CHIT1: variants seen among roughly 807,000 people sequenced by gnomAD.
CHIT1 encodes the protein chitotriosidase-1.
CHIT1 carries 47 observed loss-of-function variants against 52.0 expected under a neutral mutation model. The observed-to-expected ratio is 0.90, with a 90% confidence interval of 0.71 to 1.15. The LOEUF (loss-of-function observed/expected upper bound fraction) is 1.15, where lower values mean the gene tolerates loss of function less well. CHIT1 is among the 50% of genes most tolerant of loss of function. CHIT1 has a pLI of 0.00. For synonymous variants in CHIT1, 242 were observed against 228.2 expected, an observed-to-expected ratio of 1.06 and a Z score of -0.54; for missense variants, 569 against 583.0, an observed-to-expected ratio of 0.98 and a Z score of 0.25.
At chr1:203,229,096 G>C (rs1044872034) in intron 1 of CHIT1, among the ~76,000 whole-genome samples, 1 of 152,180 alleles carries the variant, frequency 6.6e-6, no homozygotes, top group Admixed American at 6.5e-5. Context: ...CTCCTTCGAA[G>C]AGATCTCTTT....
chr1:203,223,968 C>A (rs1350789916), intron 4 of CHIT1, among the ~76,000 whole-genome samples: 1 of 152,142 alleles, frequency 6.6e-6, no homozygotes, highest in Non-Finnish European at 1.5e-5. Context: ...AATTGTCCCA[C>A]CCCAAACCAG....
At chr1:203,229,092 C>T (rs1284400961) in intron 1 of CHIT1, among the ~76,000 whole-genome samples, 7 of 152,136 alleles carry the variant, frequency 4.6e-5, no homozygotes, top group Admixed American at 2.6e-4. Context: ...AGGACTCCTT[C>T]GAAGAGATCT....
rs1010914199 is a variant in CHIT1, at chr1:203,222,057, ACAAG to A, written c.729+141_729+144del. 3 of 1,223,136 alleles carry A rather than the reference ACAAG, an allele frequency of 2.5e-6. No individual in the cohort carries two copies. The African/African-American group carries it at 4.5e-5, about 19-fold the overall frequency. The allele number at this position is 1,223,136 out of a possible 1,614,324, so 75.8% of individuals were successfully genotyped here. ...GCACGGACCAGGAAAATAGAACAAAACAAGCAAGCAAAGAAACAAAAAAGCTTCT... is the reference window on the plus strand; with the variant it reads ...GCACGGACCAGGAAAATAGAACAAAACAAGCAAAGAAACAAAAAAGCTTCT... On this transcript the variant is annotated intron_variant, in intron 7 of 10. Transcript: ENST00000367229.
intron 1 of CHIT1, among the ~76,000 whole-genome samples, chr1:203,228,924 T>C (rs1371844031): frequency 6.6e-6 from 1 of 152,182 alleles, no homozygotes; most frequent in African/African-American, 2.4e-5. Flanking sequence ...ACAAGCCTGT[T>C]TTGGGGCTAG....
chr1:203,227,429 T>C (rs1223796099), intron 2 of CHIT1, among the ~76,000 whole-genome samples: 3 of 152,224 alleles, frequency 2.0e-5, no homozygotes, highest in Non-Finnish European at 4.4e-5. Flanking sequence ...ATATCAAATA[T>C]TGTTATGAAT....
intron 2 of CHIT1, among the ~76,000 whole-genome samples, chr1:203,226,410 A>G (rs572649891): frequency 2.6e-4 from 39 of 152,344 alleles, no homozygotes; most frequent in African/African-American, 8.7e-4. Flanking sequence ...TCATCTGCAG[A>G]AGGAAGGCAG....
At chr1:203,220,419 T>C (rs771662529) in intron 7 of CHIT1, among the ~76,000 whole-genome samples, 42 of 152,200 alleles carry the variant, frequency 2.8e-4, no homozygotes, top group Non-Finnish European at 5.6e-4. Context: ...TTTATCTCTG[T>C]ATCCTCAGTG....
Position 203,223,621 on chromosome 1 carries a change from G to A in CHIT1, c.354C>T (p.Thr118=). 6.2e-7 allele frequency: 1 copy of A among 1,614,234 alleles called. No homozygotes were observed. The highest frequency in any genetic ancestry group is 1.1e-5 in the South Asian group (1 of 91,084). ...GAAACCTGATGGCCGAGTTGACAAA[G>A]GTCTGACGGTTGTTGGCCGTGGCTA... ...DMVATANNRQ[T]FVNSAIRFLR... The change falls in exon 5 of 11, where the codon ACC becomes ACT. Residue 118 remains threonine (T), a synonymous_variant. Transcript: ENST00000367229.
chr1:203,224,214 C>T (rs1188199582), intron 4 of CHIT1, among the ~76,000 whole-genome samples: 1 of 152,164 alleles, frequency 6.6e-6, no homozygotes, highest in Non-Finnish European at 1.5e-5. Flanking sequence ...GTTGCTGTTA[C>T]TAGTCCAGAG....
At chr1:203,217,248 A>G in intron 10 of CHIT1, 115 bp from the exon 11 acceptor site, 1 of 1,584,638 alleles carries the variant, frequency 6.3e-7, no homozygotes, top group Non-Finnish European at 8.5e-7. Flanking sequence ...CATGCCCTAC[A>G]GGCTGAGTAC....
rs1183677386 is a variant in CHIT1 at position 203,219,865 on chromosome 1, AG to A, written c.730-17del. The A allele has an allele frequency of 2.5e-6, 4 of 1,611,736 alleles. No individual in the cohort carries two copies. Among genetic ancestry groups the A allele is most frequent in the Non-Finnish European group, 3.4e-6 (4 of 1,179,744 alleles). ...CAGCAGCATCCTGGTGGAAGAGGGCAGGGTTAATTTTCTCAGCCCTCAGCCT... is the reference window on the plus strand; with the variant it reads ...CAGCAGCATCCTGGTGGAAGAGGGCAGGTTAATTTTCTCAGCCCTCAGCCT... On this transcript the variant is annotated splice_polypyrimidine_tract_variant and intron_variant, in intron 7 of 10. Coordinates refer to ENST00000367229, the MANE Select transcript of CHIT1 (RefSeq NM_003465.3).
In CHIT1 at chr1:203,225,697, A is replaced by G. The variant is rs1486748824; in HGVS notation, c.229T>C (p.Tyr77His). The G allele has an allele frequency of 6.2e-7, 1 of 1,613,980 alleles. No homozygotes were observed. Residue 77 changes from tyrosine (Y) to histidine (H), a missense_variant, in exon 3 of 11, where the codon TAC (tyrosine) becomes CAC (histidine). Tyr to His is a moderately conservative substitution (Grantham distance 83). Transcript: ENST00000367229. Reference protein sequence around the residue: ...STTEWNDETLYQEFNGLKKMN... With the variant: ...STTEWNDETLHQEFNGLKKMN... The stretch of plus-strand genomic sequence containing the variant: ...TTCTTCAGGCCATTGAACTCCTGGT[A>G]GAGAGTCTCGTCATTCCACTCAGTG...
chr1:203,220,313 A>G (rs1656689073), intron 7 of CHIT1, among the ~76,000 whole-genome samples: 1 of 152,240 alleles, frequency 6.6e-6, no homozygotes, highest in Admixed American at 6.5e-5. Flanking sequence ...AAAGGTCAGC[A>G]CAACGCAATA....
In CHIT1 at chr1:203,218,227, G is replaced by GTCAAGA. The variant is rs1057287029; in HGVS notation, c.1030-363_1030-362insTCTTGA. 1.0e-5 allele frequency: 7 copies of GTCAAGA among 681,044 alleles called. No individual in the cohort carries two copies. The East Asian group carries it at 3.2e-4, about 31-fold the overall frequency. The allele number at this position is 681,044 out of a possible 1,614,324, so 42.2% of individuals were successfully genotyped here. On this transcript the variant is annotated intron_variant, in intron 9 of 10. Coordinates refer to ENST00000367229, the MANE Select transcript of CHIT1 (RefSeq NM_003465.3). ...GTATTGTATGCTGGTCAAGGTCAAG[G>GTCAAGA]TCAAGGTAAGTCCAGTTACCATAGG...
In CHIT1 at chr1:203,219,225, G is replaced by T; in HGVS notation, c.1020C>A (p.Phe340Leu). 1 of 1,591,456 alleles carries T rather than the reference G, an allele frequency of 6.3e-7. No homozygotes were observed. Among genetic ancestry groups the T allele is most frequent in the Non-Finnish European group, 8.6e-7 (1 of 1,159,176 alleles). ...CAGAGCTGGGCCTCACCTTGGTTTT[G>T]AAGCTCTCCACATCATCAAAGCCCA... The part of the protein sequence containing the change: ...QWVGFDDVES[F>L]KTKVSYLKQK... Residue 340 changes from phenylalanine to leucine, a missense_variant, in exon 9 of 11, where the codon TTC becomes TTA. Coordinates refer to ENST00000367229, the MANE Select transcript of CHIT1 (RefSeq NM_003465.3).
intron 7 of CHIT1, among the ~76,000 whole-genome samples, chr1:203,221,243 GC>G (rs1332387934): frequency 6.6e-5 from 10 of 152,146 alleles, no homozygotes; most frequent in African/African-American, 2.2e-4. Context: ...GTTTGGTTTT[GC>G]TTGTTTTAAG....
chr1:203,219,895 T>C (rs375029886), intron 7 of CHIT1, 46 bp from the exon 8 acceptor site: 1 of 1,604,770 alleles, frequency 6.2e-7, no homozygotes, highest in East Asian at 2.2e-5. Context: ...TCAGCCTGGT[T>C]CTGATTATCT....
chr1:203,222,270 C>A lies in CHIT1; in HGVS notation c.661G>T (p.Val221Phe), dbSNP rs1385363831. 6.2e-7 allele frequency: 1 copy of A among 1,614,098 alleles called. No homozygotes were observed. Among genetic ancestry groups the A allele is most frequent in the Non-Finnish European group, 8.5e-7 (1 of 1,180,042 alleles). Residue 221 changes from valine to phenylalanine, a missense_variant, in exon 7 of 11, where the codon GTC (valine) becomes TTC (phenylalanine). Val to Phe is a conservative substitution (Grantham distance 50, BLOSUM62 -1). Coordinates refer to ENST00000367229, the MANE Select transcript of CHIT1 (RefSeq NM_003465.3). ...TAGAGGGGGCTGTTATGTCCCGTGA[C>A]CTTCTCCCAAGAGCCATGGAAGTCG... ...AYDFHGSWEK[V>F]TGHNSPLYKR...
chr1:203,220,317 C>T (rs10920584), intron 7 of CHIT1, among the ~76,000 whole-genome samples: 208 of 152,288 alleles, frequency 1.4e-3, no homozygotes, highest in African/African-American at 4.7e-3. Flanking sequence ...GTCAGCACAA[C>T]GCAATAAAGG....
Sources: gnomAD v4.1 joint callset for allele counts (sites outside exome capture counted in the v4.1 genomes callset) on GRCh38, gnomAD v4.1.1 for gene constraint, MANE v1.5 for transcripts, NCBI Gene and HGNC (gene_info 2026-07-23, HGNC 2026-07-21) for gene names.